ABI3BP: variants seen among roughly 807,000 people sequenced by gnomAD.
The protein encoded by ABI3BP is ABI family member 3 binding protein.
In ABI3BP, 216 loss-of-function variants were observed where a neutral mutation model predicts 268.6. The ratio of observed to expected loss-of-function variants is 0.80; its 90% CI spans 0.72 to 0.90. The LOEUF is 0.90. Ranked by LOEUF, ABI3BP falls within the 40% of genes least tolerant of loss-of-function variation. The pLI, the probability that ABI3BP is intolerant of heterozygous loss-of-function variation, is 0.00. For missense variants in ABI3BP, 2,090 were observed against 2,182.4 expected (o/e 0.96, Z 0.84); for synonymous variants, 730 against 730.0 (o/e 1.00, Z 0.00).
chr3:100,988,494 T>C (rs909715817), intron 1 of ABI3BP, among the ~76,000 whole-genome samples: 4 of 152,164 alleles, frequency 2.6e-5, no homozygotes, highest in Non-Finnish European at 5.9e-5. Context: ...CTACCTTTGT[T>C]GAGAAAGCCC....
At chr3:100,911,949 T>A in intron 2 of ABI3BP, 1 of 975,286 alleles carries the variant, frequency 1.0e-6, no homozygotes, top group Non-Finnish European at 1.7e-6. Flanking sequence ...TGCTTGCTCA[T>A]TTACTTCACT....
At chr3:100,915,295 G>A (rs1378214507) in intron 2 of ABI3BP, among the ~76,000 whole-genome samples, 3 of 152,122 alleles carry the variant, frequency 2.0e-5, no homozygotes, top group African/African-American at 7.2e-5. Flanking sequence ...AGACCTCCAA[G>A]GGATTGCCAT....
At chr3:100,926,218 C>T in intron 2 of ABI3BP, 84 bp downstream of exon 2, 4 of 1,415,268 alleles carry the variant, frequency 2.8e-6, no homozygotes, top group Non-Finnish European at 3.9e-6. Context: ...AAAAATAGTT[C>T]TTGACATCAA....
chr3:100,953,327 G>A (rs1397862877), intron 1 of ABI3BP, among the ~76,000 whole-genome samples: 2 of 152,166 alleles, frequency 1.3e-5, no homozygotes, highest in Non-Finnish European at 2.9e-5. Flanking sequence ...AAAACAGCAC[G>A]TGACTCCTTA....
At chr3:100,885,699 A>AT in intron 5 of ABI3BP, 111 bp from the exon 6 acceptor site, 1 of 595,022 alleles carries the variant, frequency 1.7e-6, no homozygotes, top group Non-Finnish European at 2.9e-6. Context: ...TGGATGTATA[A>AT]TTTTAATCAC....
chr3:100,808,978 C>T (rs2097781088), intron 49 of ABI3BP, among the ~76,000 whole-genome samples: 1 of 152,042 alleles, frequency 6.6e-6, no homozygotes, highest in African/African-American at 2.4e-5. Context: ...GAAACATGGT[C>T]AACGTCATGT....
At chr3:100,775,476 C>G in intron 59 of ABI3BP, 141 bp from the exon 60 acceptor site, 1 of 1,114,946 alleles carries the variant, frequency 9.0e-7, no homozygotes, top group Non-Finnish European at 1.3e-6. Context: ...AAAACAAGAC[C>G]TGATTCTTGG....
chr3:100,813,349 A>G (rs1321831023), intron 45 of ABI3BP, among the ~76,000 whole-genome samples: 4 of 152,184 alleles, frequency 2.6e-5, no homozygotes, highest in Non-Finnish European at 5.9e-5. Context: ...ACAAACTTGT[A>G]ACTGTTGAAA....
chr3:100,909,202 C>T (rs183624524), intron 2 of ABI3BP, among the ~76,000 whole-genome samples: 227 of 152,240 alleles, frequency 1.5e-3, no homozygotes, highest in African/African-American at 5.2e-3. Flanking sequence ...AACTGGCTAG[C>T]CATATGCAGA....
In ABI3BP at chr3:100,775,501, T is replaced by A. The variant is rs182276246; in HGVS notation, c.4334-166A>T. Among the ~76,000 whole-genome samples the A allele has an allele frequency of 2.3e-4, 35 of 152,218 alleles. 2 individuals are homozygous for A. The highest frequency in any genetic ancestry group is 2.3e-3 in the Admixed American group (35 of 15,286). Reference sequence around the variant, plus strand: ...CTGATTCTTGGTGGAGATAGATGTATGAGCCAAGTATATCAGAGCATTATT... The same window carrying A: ...CTGATTCTTGGTGGAGATAGATGTAAGAGCCAAGTATATCAGAGCATTATT... On this transcript the variant is annotated intron_variant, in intron 59 of 67. Transcript: ENST00000471714.
At chr3:100,951,645 C>A (rs541629525) in intron 1 of ABI3BP, among the ~76,000 whole-genome samples, 19 of 152,020 alleles carry the variant, frequency 1.2e-4, no homozygotes, top group Middle Eastern at 3.4e-3. Flanking sequence ...GTCCTAGGCA[C>A]CCAAGTCACA....
At chr3:100,937,221 C>T (rs2066552308) in intron 1 of ABI3BP, among the ~76,000 whole-genome samples, 1 of 152,042 alleles carries the variant, frequency 6.6e-6, no homozygotes, top group South Asian at 2.1e-4. Flanking sequence ...AAATGTAGTA[C>T]ATCTGGAACC....
intron 62 of ABI3BP, among the ~76,000 whole-genome samples, chr3:100,767,341 C>T (rs1476053201): frequency 6.6e-6 from 1 of 152,016 alleles, no homozygotes; most frequent in Non-Finnish European, 1.5e-5. Flanking sequence ...AAAAATTAAA[C>T]TGGAAGACAG....
intron 14 of ABI3BP, among the ~76,000 whole-genome samples, chr3:100,861,847 A>G (rs1343715890): frequency 4.6e-5 from 7 of 152,230 alleles, no homozygotes; most frequent in African/African-American, 1.4e-4. Context: ...TCTCTCCTAC[A>G]TATCATGCTA....
chr3:100,813,700 C>T lies in ABI3BP; in HGVS notation c.3325G>A (p.Val1109Met). 1 of 1,535,342 alleles carries T rather than the reference C, an allele frequency of 6.5e-7. No homozygotes were observed. Among genetic ancestry groups the T allele is most frequent in the Non-Finnish European group, 8.7e-7 (1 of 1,146,428 alleles). Residue 1109 changes from valine to methionine, a missense_variant, in exon 45 of 68, where the codon GTG (valine) becomes ATG (methionine). By Grantham distance (21) the Val-to-Met change is conservative. Coordinates refer to ENST00000471714, the MANE Select transcript of ABI3BP (RefSeq NM_001375547.2). ...TELQTLILKP[V>M]TSPSLEMTES... is the part of the protein sequence containing the mutation. ...GTCATTTCTAGGCTTGGTGATGTCA[C>T]TGGTTTCAAAATAAGAGTTTGCAGT... is the stretch of plus-strand genomic sequence containing the variant.
chr3:100,749,518 A>C lies in ABI3BP; in HGVS notation c.*977T>G, dbSNP rs2095208161. Reference sequence around the variant, plus strand: ...AAAGGACAATACCTTTTTAATAGAAATAAATGAGTTAGTTAGTTAGATTTT... The same window carrying C: ...AAAGGACAATACCTTTTTAATAGAACTAAATGAGTTAGTTAGTTAGATTTT... On this transcript the variant is annotated 3_prime_UTR_variant, in exon 68 of 68. Transcript: ENST00000471714. 2.5e-6 allele frequency: 1 copy of C among 395,142 alleles called. No individual in the cohort carries two copies. Among genetic ancestry groups the C allele is most frequent in the Admixed American group, 4.4e-5 (1 of 22,508 alleles). The allele number at this position is 395,142 out of a possible 1,614,324, so 24.5% of individuals were successfully genotyped here. A position where few individuals can be genotyped will look rare whatever the true frequency, so the allele number is the denominator to read the frequency against.
At chr3:100,956,542 A>C (rs1250998998) in intron 1 of ABI3BP, among the ~76,000 whole-genome samples, 1 of 152,206 alleles carries the variant, frequency 6.6e-6, no homozygotes, top group African/African-American at 2.4e-5. Context: ...CAAAGAACAG[A>C]GGCCCTGGTA....
chr3:100,765,384 T>C (rs1489461669), intron 63 of ABI3BP, among the ~76,000 whole-genome samples: 1 of 152,232 alleles, frequency 6.6e-6, no homozygotes, highest in Non-Finnish European at 1.5e-5. Context: ...AGAATTGCTG[T>C]GCCTGAGACT....
At chr3:100,762,534 CTTT>C (rs1314183645) in intron 63 of ABI3BP, among the ~76,000 whole-genome samples, 1 of 152,096 alleles carries the variant, frequency 6.6e-6, no homozygotes, top group African/African-American at 2.4e-5. Flanking sequence ...ACTTGGTATG[CTTT>C]TTTTATGATC....
Sources: allele counts gnomAD v4.1 joint callset (sites outside exome capture counted in the v4.1 genomes callset), GRCh38; gene constraint gnomAD v4.1.1; transcripts MANE v1.5; gene names NCBI Gene and HGNC (gene_info 2026-07-23, HGNC 2026-07-21).